The following SDK1 variants were observed in gnomAD, a reference collection of about 807,000 sequenced individuals.
The protein encoded by SDK1 is sidekick cell adhesion molecule 1.
A neutral mutation model predicts 245.5 loss-of-function variants in SDK1; 157 were observed. That is an observed-to-expected ratio of 0.64 (90% CI 0.56 to 0.73). The LOEUF is 0.73. Ranked by LOEUF, SDK1 falls within the 30% of genes least tolerant of loss-of-function variation. The probability of loss-of-function intolerance (pLI) is 0.00; values close to 1 mark genes in which losing one functional copy is unlikely to be tolerated. For missense variants in SDK1, 3,583 were observed against 3,002.3 expected, an observed-to-expected ratio of 1.19 and a Z score of -4.52; for synonymous variants, 1,647 against 1,278.5, an observed-to-expected ratio of 1.29 and a Z score of -6.15.
At chr7:4,155,346 C>T (rs556775254) in intron 30 of SDK1, among the ~76,000 whole-genome samples, 1 of 152,324 alleles carries the variant, frequency 6.6e-6, no homozygotes, top group Non-Finnish European at 1.5e-5. Context: ...TGCTCTCTGT[C>T]CTCCTTTGCA....
chr7:3,498,869 A>T (rs893474473), intron 1 of SDK1, among the ~76,000 whole-genome samples: 3 of 151,920 alleles, frequency 2.0e-5, no homozygotes, highest in African/African-American at 7.3e-5. Context: ...TCTGAAAGGC[A>T]TTTCTTATCC....
chr7:4,010,732 A>G (rs371654936), intron 14 of SDK1, among the ~76,000 whole-genome samples: 1 of 152,114 alleles, frequency 6.6e-6, no homozygotes, highest in Non-Finnish European at 1.5e-5. Context: ...GCACAAAAAA[A>G]TCCTTTTGCT....
At chr7:3,619,668 C>A (rs1781873710) in intron 2 of SDK1, among the ~76,000 whole-genome samples, 1 of 152,144 alleles carries the variant, frequency 6.6e-6, no homozygotes, top group African/African-American at 2.4e-5. Flanking sequence ...TAGCTGTTTT[C>A]AAGTGGAGAT....
At chr7:3,475,721 G>C (rs1781330163) in intron 1 of SDK1, among the ~76,000 whole-genome samples, 1 of 152,134 alleles carries the variant, frequency 6.6e-6, no homozygotes, top group Non-Finnish European at 1.5e-5. Flanking sequence ...CTCAAGTCAA[G>C]ATTTATGAAT....
At chr7:3,609,260 A>T (rs1781516272) in intron 1 of SDK1, among the ~76,000 whole-genome samples, 1 of 152,198 alleles carries the variant, frequency 6.6e-6, no homozygotes, top group Non-Finnish European at 1.5e-5. Flanking sequence ...TTGCAAAGGG[A>T]TCCTGAGACC....
chr7:3,899,502 C>T (rs1583530802), intron 5 of SDK1, among the ~76,000 whole-genome samples: 1 of 152,364 alleles, frequency 6.6e-6, no homozygotes, highest in East Asian at 1.9e-4. Flanking sequence ...TGCCCTACAG[C>T]ATTGGTGGGA....
chr7:3,871,025 G>A (rs6961561), intron 5 of SDK1, among the ~76,000 whole-genome samples: 39,996 of 152,098 alleles, frequency 0.26, 6,451 homozygotes, highest in African/African-American at 0.46. Context: ...TGATCTACCA[G>A]TCCACGAACA....
intron 16 of SDK1, among the ~76,000 whole-genome samples, chr7:4,016,235 G>A (rs928894023): frequency 2.6e-5 from 4 of 152,214 alleles, no homozygotes; most frequent in South Asian, 2.1e-4. Context: ...AAAAGCCAGC[G>A]GATTTGCTGC....
chr7:3,442,585 C>G (rs372043471), intron 1 of SDK1, among the ~76,000 whole-genome samples: 1 of 152,190 alleles, frequency 6.6e-6, no homozygotes, highest in East Asian at 1.9e-4. Context: ...CAAATCACCA[C>G]TCTGCCCTTT....
At chr7:4,086,592 C>G (rs1212637947) in intron 22 of SDK1, among the ~76,000 whole-genome samples, 1 of 152,120 alleles carries the variant, frequency 6.6e-6, no homozygotes, top group Non-Finnish European at 1.5e-5. Context: ...CGGGGCAGGT[C>G]AAGTCCTCTC....
chr7:4,132,228 T>C (rs1302852738), intron 27 of SDK1, 97 bp from the exon 28 acceptor site: 2 of 933,318 alleles, frequency 2.1e-6, no homozygotes, highest in Non-Finnish European at 3.4e-6. Flanking sequence ...CCTGTGGTAG[T>C]TACTGCAGCC....
intron 1 of SDK1, among the ~76,000 whole-genome samples, chr7:3,462,818 A>G (rs913739303): frequency 6.6e-6 from 1 of 152,250 alleles, no homozygotes; most frequent in East Asian, 1.9e-4. Context: ...AGTCTCATCC[A>G]TTGTGGTTCT....
intron 1 of SDK1, among the ~76,000 whole-genome samples, chr7:3,488,166 T>C (rs1220556317): frequency 6.6e-6 from 1 of 152,174 alleles, no homozygotes; most frequent in Non-Finnish European, 1.5e-5. Context: ...ATGCCTTTAA[T>C]TGAATGACTA....
chr7:4,210,055 C>T lies in SDK1; in HGVS notation c.5432C>T (p.Ser1811Leu). 1 of 1,598,814 alleles carries T rather than the reference C, an allele frequency of 6.3e-7. No individual in the cohort carries two copies. The highest frequency in any genetic ancestry group is 8.5e-7 in the Non-Finnish European group (1 of 1,174,522). Residue 1811 changes from serine (S) to leucine (L), a missense_variant, in exon 38 of 45, where the codon TCA (serine) becomes TTA (leucine). Physicochemically the swap from Ser to Leu is moderately radical, Grantham distance 145. Coordinates refer to ENST00000404826, the MANE Select transcript of SDK1 (RefSeq NM_152744.4). The stretch of plus-strand genomic sequence containing the variant: ...GGGGCCCCCAGCTTTCTGGCGTTCT[C>T]AGAAATAACCTCCACCACGCTCAAC... ...APGAPSFLAF[S>L]EITSTTLNVS... is the part of the protein sequence containing the mutation.
chr7:3,681,133 C>T (rs1424029115), intron 4 of SDK1, among the ~76,000 whole-genome samples: 7 of 152,280 alleles, frequency 4.6e-5, no homozygotes, highest in East Asian at 1.9e-4. Context: ...TGAGCCACCG[C>T]GCCCGGCTGC....
chr7:3,482,713 C>T (rs1251299165), intron 1 of SDK1, among the ~76,000 whole-genome samples: 1 of 152,178 alleles, frequency 6.6e-6, no homozygotes, highest in African/African-American at 2.4e-5. Flanking sequence ...ACCCAGGCAA[C>T]TGGCAAAAAC....
Position 3,318,142 on chromosome 7 carries a change from C to T in SDK1, c.298+16258C>T, listed in dbSNP as rs73288356. ...GCATACTCTTAGCTTGGAGGCTAGT[C>T]CCAGCGCATTTTTCGCCTATATTGT... On this transcript the variant is annotated intron_variant, in intron 1 of 44. Transcript: ENST00000404826. Among the ~76,000 whole-genome samples the T allele has an allele frequency of 5.9e-3, 903 of 152,298 alleles. 9 individuals are homozygous for T. The highest frequency in any genetic ancestry group is 0.021 in the African/African-American group (874 of 41,560).
At chr7:3,465,207 A>C (rs549062819) in intron 1 of SDK1, among the ~76,000 whole-genome samples, 1 of 152,264 alleles carries the variant, frequency 6.6e-6, no homozygotes, top group South Asian at 2.1e-4. Context: ...TTTGACTTGT[A>C]GCATCTCTGG....
chr7:3,475,180 C>T (rs1299992941), intron 1 of SDK1, among the ~76,000 whole-genome samples: 1 of 152,160 alleles, frequency 6.6e-6, no homozygotes, highest in Non-Finnish European at 1.5e-5. Context: ...CTAGTTAGTT[C>T]CAGGGTCTGG....
Sources: allele counts gnomAD v4.1 joint callset (sites outside exome capture counted in the v4.1 genomes callset), GRCh38; gene constraint gnomAD v4.1.1; transcripts MANE v1.5; gene names NCBI Gene and HGNC (gene_info 2026-07-23, HGNC 2026-07-21).